The following MACROD2 variants were observed in gnomAD, a reference collection of about 807,000 sequenced individuals.
MACROD2 encodes mono-ADP ribosylhydrolase 2.
MACROD2 carries 36 observed loss-of-function variants against 70.4 expected under a neutral mutation model. The observed-to-expected ratio is 0.51, with a 90% confidence interval of 0.39 to 0.68. MACROD2 has a LOEUF of 0.68. Ranked by LOEUF, MACROD2 falls within the 30% of genes least tolerant of loss-of-function variation. MACROD2 has a pLI of 0.00. For missense variants in MACROD2, 496 were observed against 538.4 expected (o/e 0.92, Z 0.78); for synonymous variants, 172 against 178.8 (o/e 0.96, Z 0.30).
At chr20:14,692,419 T>A (rs1341644512) in intron 5 of MACROD2, among the ~76,000 whole-genome samples, 1 of 152,226 alleles carries the variant, frequency 6.6e-6, no homozygotes, top group Non-Finnish European at 1.5e-5. Flanking sequence ...TGTGTTTGTT[T>A]ATTTGTTTAT....
At chr20:15,830,302 A>G (rs994057189) in intron 8 of MACROD2, among the ~76,000 whole-genome samples, 1 of 152,238 alleles carries the variant, frequency 6.6e-6, no homozygotes, top group Non-Finnish European at 1.5e-5. Flanking sequence ...GGCTGCTTTC[A>G]TAGGATAAGT....
intron 2 of MACROD2, among the ~76,000 whole-genome samples, chr20:14,035,200 CT>C (rs1403499995): frequency 6.6e-6 from 1 of 152,126 alleles, no homozygotes; most frequent in Admixed American, 6.5e-5. Flanking sequence ...TGCTATTTCT[CT>C]TTCTTTTCCT....
At chr20:15,921,769 G>T (rs938926633) in intron 10 of MACROD2, among the ~76,000 whole-genome samples, 1 of 152,242 alleles carries the variant, frequency 6.6e-6, no homozygotes, top group African/African-American at 2.4e-5. Context: ...GCCAGCAGTT[G>T]ATCTGGGGAG....
intron 3 of MACROD2, among the ~76,000 whole-genome samples, chr20:14,460,983 T>C (rs1257585121): frequency 6.6e-6 from 1 of 151,890 alleles, no homozygotes; most frequent in Non-Finnish European, 1.5e-5. Context: ...TCGTTCGGAA[T>C]AGTTTCAGAG....
chr20:15,978,050 A>G (rs1341913913), intron 13 of MACROD2, among the ~76,000 whole-genome samples: 1 of 152,224 alleles, frequency 6.6e-6, no homozygotes, highest in Non-Finnish European at 1.5e-5. Context: ...TACATCTTCT[A>G]GGCCAGTGCT....
Position 15,535,218 on chromosome 20 carries a change from C to T in MACROD2, c.645+35371C>T, listed in dbSNP as rs141181109. ...TCTTGAACTTGCTTTTTAAGCAGTC[C>T]TCCCACCTCTGTCTCCCAAATTGCT... On this transcript the variant is annotated intron_variant, in intron 8 of 17. Transcript: ENST00000684519. Among the ~76,000 whole-genome samples the T allele has an allele frequency of 1.7e-4, 26 of 152,226 alleles. No homozygotes were observed. The East Asian group carries it at 4.8e-3, about 28-fold the overall frequency.
chr20:15,807,621 A>G (rs1388489353), intron 8 of MACROD2, among the ~76,000 whole-genome samples: 1 of 152,198 alleles, frequency 6.6e-6, no homozygotes, highest in African/African-American at 2.4e-5. Context: ...AAGGTAAATT[A>G]GCTCATTAAT....
chr20:14,521,996 G>T (rs1568652344), intron 4 of MACROD2, among the ~76,000 whole-genome samples: 1 of 152,172 alleles, frequency 6.6e-6, no homozygotes, highest in African/African-American at 2.4e-5. Context: ...TTTTCAGTCT[G>T]TGCTTGGTGC....
At chr20:15,084,635 A>AT (rs1175198895) in intron 5 of MACROD2, among the ~76,000 whole-genome samples, 4 of 152,202 alleles carry the variant, frequency 2.6e-5, no homozygotes, top group African/African-American at 9.6e-5. Flanking sequence ...GGTTACTATG[A>AT]TTTTTCTTAC....
chr20:14,132,180 G>C (rs2054727781), intron 3 of MACROD2, among the ~76,000 whole-genome samples: 3 of 150,340 alleles, frequency 2.0e-5, no homozygotes, highest in Admixed American at 2.0e-4. Flanking sequence ...AGAGTAGCTA[G>C]GACTGCAGGT....
chr20:14,517,910 G>C (rs2085120877), intron 4 of MACROD2, among the ~76,000 whole-genome samples: 1 of 151,510 alleles, frequency 6.6e-6, no homozygotes, highest in African/African-American at 2.4e-5. Flanking sequence ...CATGCTATTT[G>C]GTTATGATGT....
intron 3 of MACROD2, among the ~76,000 whole-genome samples, chr20:14,303,293 G>A (rs919034029): frequency 4.6e-5 from 7 of 152,146 alleles, no homozygotes; most frequent in Non-Finnish European, 1.0e-4. Flanking sequence ...GGGGATCAGC[G>A]GATCTTTTAA....
chr20:15,581,013 A>G (rs1325356768), intron 8 of MACROD2, among the ~76,000 whole-genome samples: 2 of 152,288 alleles, frequency 1.3e-5, no homozygotes, highest in South Asian at 2.1e-4. Context: ...AGTTCAGTCA[A>G]TACAAACTCA....
chr20:15,358,659 C>G (rs1402395873), intron 6 of MACROD2, among the ~76,000 whole-genome samples: 1 of 152,092 alleles, frequency 6.6e-6, no homozygotes, highest in African/African-American at 2.4e-5. Flanking sequence ...ATACTACAGA[C>G]TGGGTGACTT....
chr20:15,545,584 T>G (rs2048015510), intron 8 of MACROD2, among the ~76,000 whole-genome samples: 1 of 152,170 alleles, frequency 6.6e-6, no homozygotes, highest in South Asian at 2.1e-4. Flanking sequence ...TCTTTTTGTC[T>G]TCTCTTTGGC....
intron 3 of MACROD2, among the ~76,000 whole-genome samples, chr20:14,297,161 T>TC (rs2082434707): frequency 6.6e-6 from 1 of 151,818 alleles, no homozygotes; most frequent in South Asian, 2.1e-4. Flanking sequence ...ACTGGCTGTT[T>TC]CCCCATCTCT....
intron 5 of MACROD2, among the ~76,000 whole-genome samples, chr20:14,736,307 G>A (rs1204133738): frequency 2.6e-5 from 4 of 152,222 alleles, no homozygotes; most frequent in South Asian, 2.1e-4. Flanking sequence ...AAGCAAATTA[G>A]TGATTGCCAG....
At chr20:14,162,517 G>A (rs753798506) in intron 3 of MACROD2, among the ~76,000 whole-genome samples, 6 of 152,072 alleles carry the variant, frequency 3.9e-5, no homozygotes, top group Non-Finnish European at 7.4e-5. Context: ...AGGTCTAATA[G>A]TATTTTCTTT....
intron 5 of MACROD2, among the ~76,000 whole-genome samples, chr20:15,133,905 C>CTTTTTTTTTTTTT (rs11467185): frequency 9.0e-6 from 1 of 111,298 alleles, no homozygotes; most frequent in Non-Finnish European, 1.8e-5. Context: ...TTTAAATAAT[C>CTTTTTTTTTTTTT]TTTTTTTTTT....
Sources: allele counts gnomAD v4.1 joint callset (sites outside exome capture counted in the v4.1 genomes callset), GRCh38; gene constraint gnomAD v4.1.1; transcripts MANE v1.5; gene names NCBI Gene and HGNC (gene_info 2026-07-23, HGNC 2026-07-21).